CCDC136: variants seen among roughly 807,000 people sequenced by gnomAD.
The protein encoded by CCDC136 is coiled-coil domain-containing protein 136.
In CCDC136, 100 loss-of-function variants were observed where a neutral mutation model predicts 141.2. That is an observed-to-expected ratio of 0.71 (90% confidence interval 0.60 to 0.84). The LOEUF (loss-of-function observed/expected upper bound fraction) is 0.84, where lower values mean the gene tolerates loss of function less well. Ranked by LOEUF, CCDC136 falls within the 40% of genes least tolerant of loss-of-function variation. CCDC136 has a pLI of 0.00. For synonymous variants in CCDC136, 474 were observed against 531.9 expected (o/e 0.89, Z 1.50); for missense variants, 1,206 against 1,379.4 (o/e 0.87, Z 1.99).
chr7:128,809,503 C>T lies in CCDC136; in HGVS notation c.1659C>T (p.Ser553=). 6.4e-7 allele frequency: 1 copy of T among 1,551,108 alleles called. No individual in the cohort carries two copies. The highest frequency in any genetic ancestry group is 8.7e-7 in the Non-Finnish European group (1 of 1,147,738). Reference sequence around the variant, plus strand: ...AATTGCAGGAAAAGTACAAGGCCAGCCAGAAGGAGATGGGGCAGCTGCAGA... The same window carrying T: ...AATTGCAGGAAAAGTACAAGGCCAGTCAGAAGGAGATGGGGCAGCTGCAGA... ...LTELQEKYKA[S]QKEMGQLQME... The change falls in exon 11 of 18, where the codon AGC becomes AGT. Residue 553 remains serine (S), a synonymous_variant. Transcript: ENST00000297788.
chr7:128,815,603 C>A lies in CCDC136; in HGVS notation c.3046-11C>A. 6.5e-7 allele frequency: 1 copy of A among 1,548,854 alleles called. No homozygotes were observed. The highest frequency in any genetic ancestry group is 8.7e-7 in the Non-Finnish European group (1 of 1,145,598). ...ACGCAGCCGCCATCCTGCCCTACTC[C>A]CACCCCACAGAGTCTGGAGGTAGTG... is the stretch of plus-strand genomic sequence containing the variant. On this transcript the variant is annotated splice_polypyrimidine_tract_variant and intron_variant, in intron 15 of 17. Transcript: ENST00000297788.
upstream of CCDC136, chr7:128,791,501 CGGGCGCCGGAGCCGGCGCG>C: frequency 1.5e-6 from 2 of 1,302,200 alleles, no homozygotes; most frequent in Non-Finnish European, 1.9e-6. The surrounding 1 kb of genome is among the most constrained non-coding windows in gnomAD (Gnocchi z 7.1). Flanking sequence ...GTCATGGAGG[CGGGCGCCGGAGCCGGCGCG>C]GGAGCCGCGG....
intron 3 of CCDC136, among the ~76,000 whole-genome samples, chr7:128,796,797 A>G (rs1585053648): frequency 1.5e-5 from 2 of 136,682 alleles, no homozygotes; most frequent in South Asian, 2.4e-4. Context: ...GCTGGAGTGC[A>G]GTGGCGGGAT....
chr7:128,810,232 C>A lies in CCDC136; in HGVS notation c.1894C>A (p.Gln632Lys). Reference sequence around the variant, plus strand: ...GGAACAGAAGAAGCTGATACAGAACCAAGACTGTGTATTAAAAGAACAATT... The same window carrying A: ...GGAACAGAAGAAGCTGATACAGAACAAAGACTGTGTATTAAAAGAACAATT... ...QEEQKKLIQN[Q>K]DCVLKEQLEI... is the part of the protein sequence containing the mutation. The change falls in exon 12 of 18, where the codon CAA (glutamine) becomes AAA (lysine). Residue 632 changes from glutamine (Q) to lysine (K), a missense_variant. Transcript: ENST00000297788. The A allele has an allele frequency of 6.2e-7, 1 of 1,612,850 alleles. No individual in the cohort carries two copies. The highest frequency in any genetic ancestry group is 1.1e-5 in the South Asian group (1 of 90,708).
intron 16 of CCDC136, 78 bp downstream of exon 16, chr7:128,816,009 GC>G (rs1233891842): frequency 7.1e-7 from 1 of 1,406,062 alleles, no homozygotes; most frequent in Non-Finnish European, 9.6e-7. Flanking sequence ...GGGTGGCCCT[GC>G]CAAGGATGGA....
chr7:128,806,041 C>A, intron 7 of CCDC136, 140 bp downstream of exon 7: 1 of 1,104,498 alleles, frequency 9.1e-7, no homozygotes, highest in Non-Finnish European at 1.3e-6. Context: ...TGCTGGAAAC[C>A]AACTGTAGAA....
chr7:128,797,298 C>G (rs937547088), intron 3 of CCDC136, among the ~76,000 whole-genome samples: 1 of 152,080 alleles, frequency 6.6e-6, no homozygotes, highest in African/African-American at 2.4e-5. Context: ...AAGGCAGAAC[C>G]AGGGAGAAAA....
intron 10 of CCDC136, 68 bp from the exon 11 acceptor site, chr7:128,809,382 T>A (rs1805356616): frequency 9.1e-7 from 1 of 1,101,414 alleles, no homozygotes; most frequent in Non-Finnish European, 1.3e-6. Context: ...GCAGAAGTGC[T>A]CTGTTAGCCA....
intron 4 of CCDC136, among the ~76,000 whole-genome samples, chr7:128,804,128 C>T (rs1332178986): frequency 6.6e-6 from 1 of 152,138 alleles, no homozygotes; most frequent in Non-Finnish European, 1.5e-5. Flanking sequence ...AATTCTTTAC[C>T]ACATCCAGAC....
chr7:128,810,110 C>T (rs1250145416), intron 11 of CCDC136, 29 bp from the exon 12 acceptor site: 1 of 1,429,930 alleles, frequency 7.0e-7, no homozygotes, highest in Admixed American at 2.0e-5. Flanking sequence ...ACCACCATCC[C>T]TTGCCTCCTT....
At position 128,794,178 on chromosome 7, in the gene CCDC136, C is replaced by CA; in HGVS notation, c.17-169dup. 1.2e-6 allele frequency: 1 copy of CA among 848,348 alleles called. No homozygotes were observed. The highest frequency in any genetic ancestry group is 2.7e-5 in the East Asian group (1 of 37,442). 52.6% of individuals were successfully genotyped at this position (848,348 alleles called of 1,614,324 possible). ...AGGGGCTGCTTCTCAACTTGACTCT[C>CA]ACACCTGAGGACTCATCTTGAGTAC... On this transcript the variant is annotated intron_variant, in intron 1 of 17. Coordinates refer to ENST00000297788, the MANE Select transcript of CCDC136 (RefSeq NM_022742.5). The surrounding 1 kb of genome is among the most constrained non-coding windows in gnomAD (Gnocchi z 4.3).
Position 128,792,273 on chromosome 7 carries a change from GCAGCCAGCCCCCCACCCCC to G in CCDC136, c.-133_-115del. The G allele has an allele frequency of 8.0e-7, 1 of 1,253,532 alleles. No homozygotes were observed. The highest frequency in any genetic ancestry group is 1.1e-6 in the Non-Finnish European group (1 of 933,578). The allele number at this position is 1,253,532 out of a possible 1,614,324, so 77.7% of individuals were successfully genotyped here. On this transcript the variant is annotated 5_prime_UTR_variant, in exon 1 of 18. It removes the in-frame stop codon of an upstream open reading frame in the 5' UTR. Coordinates refer to ENST00000297788, the MANE Select transcript of CCDC136 (RefSeq NM_022742.5). Reference sequence around the variant, plus strand: ...CCTTCTTTCCTCTGCACCCCAGCCCGCAGCCAGCCCCCCACCCCCCAGCCCCTCCTTTCTCCCTGCTCTC... The same window carrying G: ...CCTTCTTTCCTCTGCACCCCAGCCCGCAGCCCCTCCTTTCTCCCTGCTCTC...
At chr7:128,796,407 A>C (rs988730862) in intron 3 of CCDC136, among the ~76,000 whole-genome samples, 1 of 152,018 alleles carries the variant, frequency 6.6e-6, no homozygotes, top group Admixed American at 6.5e-5. Flanking sequence ...GTTTGCAGCA[A>C]AGTGCACGTG....
In CCDC136 at chr7:128,817,975, T is replaced by C. The variant is rs959812634; in HGVS notation, c.*5+111T>C. The C allele has an allele frequency of 1.1e-5, 9 of 787,420 alleles. No individual in the cohort carries two copies. The highest frequency in any genetic ancestry group is 1.0e-4 in the African/African-American group (6 of 57,888). The allele number at this position is 787,420 out of a possible 1,614,324, so 48.8% of individuals were successfully genotyped here. Reference sequence around the variant, plus strand: ...TGCTTGCTTCTTGCTTGTGCCATTTTATAATAGGTGATGCTCAGGTCTGAG... The same window carrying C: ...TGCTTGCTTCTTGCTTGTGCCATTTCATAATAGGTGATGCTCAGGTCTGAG... On this transcript the variant is annotated intron_variant, in intron 17 of 17. Transcript: ENST00000297788. This position sits in a 1 kb window ranked among gnomAD's most constrained non-coding sequence, Gnocchi z 4.6.
At chr7:128,812,978 A>G (rs1806019520) in intron 14 of CCDC136, 49 bp downstream of exon 14, 7 of 1,326,770 alleles carry the variant, frequency 5.3e-6, no homozygotes, top group Non-Finnish European at 7.4e-6. Flanking sequence ...CCCTGGAGCC[A>G]TAGAGGTCAT....
At chr7:128,798,151 T>G (rs1268716862) in intron 3 of CCDC136, among the ~76,000 whole-genome samples, 2 of 148,462 alleles carry the variant, frequency 1.3e-5, no homozygotes, top group East Asian at 4.1e-4. Context: ...TCTCCTGACC[T>G]CATGATCCGC....
At position 128,812,065 on chromosome 7, in the gene CCDC136, C is replaced by G. The variant is rs1805818381; in HGVS notation, c.2294C>G (p.Thr765Ser). 6.2e-7 allele frequency: 1 copy of G among 1,613,920 alleles called. No homozygotes were observed. ...AACTGTCGCAAGACTTATGATACCA[C>G]TGTGGATGACAATGAGAGCTATTAC... The part of the protein sequence containing the change: ...NENCRKTYDT[T>S]VDDNESYYKS... Residue 765 changes from threonine (T) to serine (S), a missense_variant, in exon 13 of 18, where the codon ACT becomes AGT. Physicochemically the swap from Thr to Ser is moderately conservative, Grantham distance 58. Transcript: ENST00000297788.
upstream of CCDC136, chr7:128,791,375 C>A: frequency 1.5e-6 from 1 of 651,298 alleles, no homozygotes; most frequent in Non-Finnish European, 2.2e-6. The surrounding 1 kb of genome is among the most constrained non-coding windows in gnomAD (Gnocchi z 7.1). Flanking sequence ...GTCAGGAGGC[C>A]CGGCCAGGCC....
chr7:128,818,544 G>GTTTTTTTTTTTTTTTTTTT (rs1554393435), intron 17 of CCDC136, among the ~76,000 whole-genome samples: 1 of 152,146 alleles, frequency 6.6e-6, no homozygotes, highest in Non-Finnish European at 1.5e-5. Context: ...AATTTTATTA[G>GTTTTTTTTTTTTTTTTTTT]TTATCTATTT....
Sources: gnomAD v4.1 joint callset for allele counts (sites outside exome capture counted in the v4.1 genomes callset) on GRCh38, gnomAD v4.1.1 for gene constraint, Gnocchi (gnomAD v3.1) non-coding constraint, MANE v1.5 for transcripts, NCBI Gene and HGNC (gene_info 2026-07-23, HGNC 2026-07-21) for gene names.